The following DNAJC1 variants were observed in gnomAD, a reference collection of about 807,000 sequenced individuals.
DNAJC1 encodes dnaJ homolog subfamily C member 1.
Under a neutral mutation model 76.6 loss-of-function variants are expected in DNAJC1, and 58 were observed. That is an observed-to-expected ratio of 0.76 (90% CI 0.61 to 0.94). DNAJC1 has a LOEUF of 0.94. Ranked by LOEUF, DNAJC1 falls within the 40% of genes least tolerant of loss-of-function variation. The pLI, the probability that DNAJC1 is intolerant of heterozygous loss-of-function variation, is 0.00. For missense variants in DNAJC1, 689 were observed against 677.3 expected (o/e 1.02, Z -0.19); for synonymous variants, 258 against 267.9 (o/e 0.96, Z 0.36).
intron 1 of DNAJC1, among the ~76,000 whole-genome samples, chr10:21,960,457 A>T (rs1837771294): frequency 6.6e-6 from 1 of 152,240 alleles, no homozygotes; most frequent in African/African-American, 2.4e-5. Flanking sequence ...GGTGCCTATT[A>T]TCACAGCACT....
At chr10:21,999,252 C>A (rs1450482109) in intron 1 of DNAJC1, among the ~76,000 whole-genome samples, 1 of 152,154 alleles carries the variant, frequency 6.6e-6, no homozygotes, top group East Asian at 1.9e-4. Context: ...AGCCTGTGAC[C>A]GCCATACGGT....
intron 7 of DNAJC1, among the ~76,000 whole-genome samples, chr10:21,894,771 C>T (rs1286642059): frequency 1.3e-5 from 2 of 152,130 alleles, no homozygotes; most frequent in African/African-American, 4.8e-5. Flanking sequence ...GTCATGAGGG[C>T]TCCTCCCTCA....
intron 8 of DNAJC1, among the ~76,000 whole-genome samples, chr10:21,816,926 G>A (rs1437797824): frequency 1.4e-5 from 2 of 146,032 alleles, no homozygotes; most frequent in Admixed American, 6.7e-5. Flanking sequence ...AGGCCGAGGT[G>A]GGTGGATCAC....
intron 1 of DNAJC1, among the ~76,000 whole-genome samples, chr10:21,989,935 CATA>C (rs1308035668): frequency 1.3e-5 from 2 of 152,184 alleles, no homozygotes; most frequent in Admixed American, 6.5e-5. Flanking sequence ...CTCGCAGAAA[CATA>C]ATATTTCAAT....
At chr10:21,812,535 C>T (rs1419401811) in intron 8 of DNAJC1, among the ~76,000 whole-genome samples, 1 of 150,868 alleles carries the variant, frequency 6.6e-6, no homozygotes, top group Non-Finnish European at 1.5e-5. Context: ...CAAATATTTT[C>T]TTCTGGTCTA....
chr10:21,977,218 A>G (rs1838080646), intron 1 of DNAJC1, among the ~76,000 whole-genome samples: 1 of 152,078 alleles, frequency 6.6e-6, no homozygotes, highest in Admixed American at 6.6e-5. Flanking sequence ...TATCTTAGCA[A>G]TTTTTTAAAA....
chr10:21,839,121 A>G (rs1403715364), intron 8 of DNAJC1, among the ~76,000 whole-genome samples: 1 of 152,246 alleles, frequency 6.6e-6, no homozygotes, highest in African/African-American at 2.4e-5. Context: ...GGAAATTTCT[A>G]GCACTAAATG....
chr10:21,854,134 C>T (rs753775671), intron 8 of DNAJC1, among the ~76,000 whole-genome samples: 31 of 152,054 alleles, frequency 2.0e-4, no homozygotes, highest in Non-Finnish European at 1.8e-4. Flanking sequence ...ACTCAACCAT[C>T]AGGTTGTTTA....
chr10:21,816,877 G>A (rs184842258), intron 8 of DNAJC1, among the ~76,000 whole-genome samples: 75 of 143,840 alleles, frequency 5.2e-4, no homozygotes, highest in Middle Eastern at 3.6e-3. Flanking sequence ...AAAAAATGCC[G>A]GGCGCGGTGG....
At chr10:21,782,368 A>G (rs1564786480) in intron 9 of DNAJC1, among the ~76,000 whole-genome samples, 1 of 152,234 alleles carries the variant, frequency 6.6e-6, no homozygotes, top group Non-Finnish European at 1.5e-5. Flanking sequence ...GAATAGACCA[A>G]TAACAGGCTC....
In DNAJC1 at chr10:21,759,516, G is replaced by C. The variant is rs371968028; in HGVS notation, c.1250C>G (p.Ala417Gly). Residue 417 changes from alanine (A) to glycine (G), a missense_variant, in exon 11 of 12, where the codon GCA (alanine) becomes GGA (glycine). Physicochemically the swap from Ala to Gly is moderately conservative, Grantham distance 60. Transcript: ENST00000376980. ...PDDMITQRED[A>G]EGVAAEEEQE... ...CTCCTCCTCCGCTGCCACCCCCTCT[G>C]CGTCCTCTCGCTGGGTGATCATGTC... 4 of 1,614,174 alleles carry C rather than the reference G, an allele frequency of 2.5e-6. No individual in the cohort carries two copies. Among genetic ancestry groups the C allele is most frequent in the East Asian group, 2.2e-5 (1 of 44,882 alleles).
At chr10:21,992,868 T>A (rs1237797053) in intron 1 of DNAJC1, among the ~76,000 whole-genome samples, 1 of 152,220 alleles carries the variant, frequency 6.6e-6, no homozygotes, top group Admixed American at 6.5e-5. Flanking sequence ...AAAGTATTAC[T>A]CTGGAGTTAT....
intron 9 of DNAJC1, among the ~76,000 whole-genome samples, chr10:21,784,341 C>T (rs1034957459): frequency 2.6e-5 from 4 of 152,162 alleles, no homozygotes; most frequent in Non-Finnish European, 5.9e-5. Context: ...CAAATCAAAA[C>T]CACAATGAAA....
At chr10:21,995,333 C>T (rs1046736935) in intron 1 of DNAJC1, among the ~76,000 whole-genome samples, 2 of 152,148 alleles carry the variant, frequency 1.3e-5, no homozygotes, top group Non-Finnish European at 2.9e-5. Context: ...GGTCATAACT[C>T]ATTTTGACTA....
intron 8 of DNAJC1, among the ~76,000 whole-genome samples, chr10:21,852,783 A>G (rs1038172793): frequency 1.3e-5 from 2 of 151,988 alleles, no homozygotes; most frequent in African/African-American, 4.8e-5. Flanking sequence ...GTACTATGCT[A>G]AGAAACAGGA....
chr10:21,766,733 G>T (rs909296262), intron 9 of DNAJC1, among the ~76,000 whole-genome samples: 18 of 152,106 alleles, frequency 1.2e-4, no homozygotes, highest in African/African-American at 4.3e-4. Context: ...CACTTTGGGA[G>T]GCCAAGGTGG....
At chr10:21,881,844 T>TAAAAAAA (rs1002377641) in intron 8 of DNAJC1, among the ~76,000 whole-genome samples, 1 of 55,414 alleles carries the variant, frequency 1.8e-5, no homozygotes, top group Admixed American at 2.1e-4. Flanking sequence ...CCTCAATTTG[T>TAAAAAAA]AAAAAAAAAA....
intron 7 of DNAJC1, among the ~76,000 whole-genome samples, chr10:21,885,239 CA>C (rs1240831651): frequency 3.3e-5 from 5 of 151,274 alleles, no homozygotes; most frequent in African/African-American, 1.2e-4. Flanking sequence ...TTAAAAAACA[CA>C]AAAAAAGGGC....
chr10:21,846,786 T>C (rs186745336), intron 8 of DNAJC1, among the ~76,000 whole-genome samples: 57 of 152,214 alleles, frequency 3.7e-4, no homozygotes, highest in Admixed American at 4.6e-4. Context: ...TTATCTCCAT[T>C]TTACAACACA....
Sources: allele counts gnomAD v4.1 joint callset (sites outside exome capture counted in the v4.1 genomes callset), GRCh38; gene constraint gnomAD v4.1.1; transcripts MANE v1.5; gene names NCBI Gene and HGNC (gene_info 2026-07-23, HGNC 2026-07-21).